ERG: variants seen among roughly 807,000 people sequenced by gnomAD.
ERG encodes ETS transcription factor ERG.
A neutral mutation model predicts 55.3 loss-of-function variants in ERG; 9 were observed. The ratio of observed to expected loss-of-function variants is 0.16; its 90% CI spans 0.10 to 0.28. ERG has a LOEUF of 0.28. Among genes scored for constraint, ERG ranks in the 10% least tolerant of loss-of-function variants. The pLI, the probability that ERG is intolerant of heterozygous loss-of-function variation, is 1.00. For missense variants in ERG, 434 were observed against 631.6 expected (o/e 0.69, Z 3.35); for synonymous variants, 223 against 237.3 (o/e 0.94, Z 0.55).
chr21:38,402,549 A>C lies in ERG; in HGVS notation c.673+8T>G. On this transcript the variant is annotated splice_region_variant and intron_variant, in intron 5 of 9. Coordinates refer to ENST00000288319, the MANE Select transcript of ERG (RefSeq NM_182918.4). ...CTTGCTGGGAGGCAGGGGCGGGGCC[A>C]GCATTACCTGTGTTTCTAGCATGCA... 1 of 1,608,948 alleles carries C rather than the reference A, an allele frequency of 6.2e-7. No homozygotes were observed. Among genetic ancestry groups the C allele is most frequent in the Non-Finnish European group, 8.5e-7 (1 of 1,177,102 alleles).
chr21:38,455,672 T>A (rs1192091207), intron 1 of ERG, among the ~76,000 whole-genome samples: 1 of 152,126 alleles, frequency 6.6e-6, no homozygotes, highest in Non-Finnish European at 1.5e-5. Flanking sequence ...TCTGGCACAA[T>A]GGAAAACCCT....
At chr21:38,611,282 A>C (rs1013701868) in intron 1 of ERG, among the ~76,000 whole-genome samples, 6 of 152,168 alleles carry the variant, frequency 3.9e-5, no homozygotes, top group African/African-American at 1.4e-4. Flanking sequence ...TCCACAAGGC[A>C]ACCAGCAAGA....
intron 1 of ERG, among the ~76,000 whole-genome samples, chr21:38,592,644 T>C (rs2060108076): frequency 6.6e-6 from 1 of 151,820 alleles, no homozygotes; most frequent in Non-Finnish European, 1.5e-5. Context: ...CTAACTCTGC[T>C]ATACTTTAGA....
intron 1 of ERG, among the ~76,000 whole-genome samples, chr21:38,606,843 G>A (rs1172161421): frequency 2.0e-5 from 3 of 152,070 alleles, no homozygotes; most frequent in East Asian, 1.9e-4. Context: ...ATGTCCAAGT[G>A]AACAGTGAAA....
chr21:38,484,477 G>A (rs2059265754), intron 1 of ERG, among the ~76,000 whole-genome samples: 1 of 152,112 alleles, frequency 6.6e-6, no homozygotes, highest in Non-Finnish European at 1.5e-5. Flanking sequence ...ATAAGAATGG[G>A]AGGAAACAAT....
At chr21:38,597,461 C>CTA (rs1286014037) in intron 1 of ERG, among the ~76,000 whole-genome samples, 1 of 98,732 alleles carries the variant, frequency 1.0e-5, no homozygotes, top group Admixed American at 1.1e-4. Context: ...AGAGAGATAT[C>CTA]TATATATATC....
chr21:38,603,697 C>T (rs145324914), intron 1 of ERG, among the ~76,000 whole-genome samples: 3 of 152,154 alleles, frequency 2.0e-5, no homozygotes, highest in Non-Finnish European at 4.4e-5. Flanking sequence ...CCCAACTTTG[C>T]TCTTGGATCA....
chr21:38,557,790 T>A (rs1056138679), intron 2 of ERG, among the ~76,000 whole-genome samples: 1 of 152,130 alleles, frequency 6.6e-6, no homozygotes, highest in Admixed American at 6.5e-5. Context: ...GGTATGACTT[T>A]GGGGGCATCT....
chr21:38,645,799 A>C (rs963231658), intron 1 of ERG, among the ~76,000 whole-genome samples: 1 of 152,234 alleles, frequency 6.6e-6, no homozygotes, highest in Non-Finnish European at 1.5e-5. Context: ...CAGGCCCAGA[A>C]AGCAATAAGC....
At chr21:38,557,400 C>G (rs956327114) in intron 2 of ERG, among the ~76,000 whole-genome samples, 1 of 152,086 alleles carries the variant, frequency 6.6e-6, no homozygotes. Flanking sequence ...AGAAGCTACA[C>G]AGTTGGCCCC....
chr21:38,551,026 C>G (rs1176435151), intron 2 of ERG, among the ~76,000 whole-genome samples: 1 of 152,176 alleles, frequency 6.6e-6, no homozygotes, highest in East Asian at 1.9e-4. Context: ...ACAGAACAAT[C>G]ATTTATTGAG....
intron 2 of ERG, among the ~76,000 whole-genome samples, chr21:38,514,195 C>A (rs528515320): frequency 2.0e-5 from 3 of 151,018 alleles, no homozygotes; most frequent in African/African-American, 7.3e-5. Context: ...CCAGGCCAGA[C>A]GGATTTATCA....
chr21:38,556,456 G>A (rs907348103), intron 2 of ERG, among the ~76,000 whole-genome samples: 3 of 152,114 alleles, frequency 2.0e-5, no homozygotes, highest in Non-Finnish European at 4.4e-5. Flanking sequence ...CTGGAGATAG[G>A]AGGAGATAGG....
chr21:38,541,885 A>C (rs2059754972), intron 2 of ERG, among the ~76,000 whole-genome samples: 1 of 150,506 alleles, frequency 6.6e-6, no homozygotes, highest in Admixed American at 6.6e-5. Flanking sequence ...ACAAACCTGC[A>C]CATCCGGCAC....
At chr21:38,369,452 T>A in the ERG span, among the ~76,000 whole-genome samples, 1 of 152,192 alleles carries the variant, frequency 6.6e-6, no homozygotes, top group Non-Finnish European at 1.5e-5. Context: ...TTTGCTCACT[T>A]TTTACAAGGG....
chr21:38,514,177 A>G (rs1044641253), intron 2 of ERG, among the ~76,000 whole-genome samples: 1 of 151,880 alleles, frequency 6.6e-6, no homozygotes, highest in African/African-American at 2.4e-5. Flanking sequence ...AAAAAAAGAA[A>G]GAAAGTTCCA....
intron 1 of ERG, among the ~76,000 whole-genome samples, chr21:38,622,659 ACAC>A (rs1299557647): frequency 6.8e-6 from 1 of 148,014 alleles, no homozygotes; most frequent in Non-Finnish European, 1.5e-5. Context: ...CGTCACATAC[ACAC>A]CACACATTAC....
rs188783534 is a variant in ERG at position 38,461,481 on chromosome 21, G to T, written c.19-15860C>A. Among the ~76,000 whole-genome samples, 13 of 152,328 alleles carry T rather than the reference G, an allele frequency of 8.5e-5. No individual in the cohort carries two copies. In the East Asian group the frequency reaches 2.3e-3, roughly 27 times the overall value. ...CCATACCATCCTCCAGGAAGGCAGA[G>T]AATGTGTCCCTCTTCTTCACTGCTG... On this transcript the variant is annotated intron_variant, in intron 1 of 9. Coordinates refer to ENST00000288319, the MANE Select transcript of ERG (RefSeq NM_182918.4).
At chr21:38,428,019 C>CA (rs1471230573) in intron 2 of ERG, among the ~76,000 whole-genome samples, 1 of 151,512 alleles carries the variant, frequency 6.6e-6, no homozygotes, top group Non-Finnish European at 1.5e-5. Flanking sequence ...AATGTGTTTA[C>CA]AAAAAATACA....
Sources: allele counts gnomAD v4.1 joint callset (sites outside exome capture counted in the v4.1 genomes callset), GRCh38; gene constraint gnomAD v4.1.1; transcripts MANE v1.5; gene names NCBI Gene and HGNC (gene_info 2026-07-23, HGNC 2026-07-21).